DGKK: variants seen among roughly 807,000 people sequenced by gnomAD.
DGKK encodes the protein 142 kDa diacylglycerol kinase.
In DGKK, 35 loss-of-function variants were observed where a neutral mutation model predicts 92.2. The ratio of observed to expected loss-of-function variants is 0.38; its 90% CI spans 0.29 to 0.50. DGKK has a LOEUF of 0.50. Ranked by LOEUF, DGKK falls within the 20% of genes least tolerant of loss-of-function variation. DGKK has a pLI of 0.92. For synonymous variants in DGKK, 368 were observed against 360.6 expected, an observed-to-expected ratio of 1.02 and a Z score of -0.23; for missense variants, 910 against 992.2, an observed-to-expected ratio of 0.92 and a Z score of 1.11.
At chrX:50,393,015 C>T in intron 9 of DGKK, 137 bp downstream of exon 9, 1 of 522,626 alleles carries the variant, frequency 1.9e-6, no homozygotes, top group Non-Finnish European at 3.0e-6. Context: ...GAGTTATGTG[C>T]TTGTGTCCTG....
chrX:50,470,172 C>T lies in DGKK; in HGVS notation c.507G>A (p.Ala169=). The change falls in exon 1 of 28, where the codon GCG becomes GCA. Residue 169 remains alanine, a synonymous_variant. Transcript: ENST00000611977. ...CTGGACTTGGACGGAACTCTGGAGC[C>T]GCCTCAGGGCAGAACTCTGGGGCCA... The part of the protein sequence containing the change: ...TELAPEFCPE[A]APEFRPSPAP... The T allele has an allele frequency of 8.3e-7, 1 of 1,211,968 alleles. No homozygotes were observed.
chrX:50,416,888 G>A (rs1925448827), intron 4 of DGKK, among the ~76,000 whole-genome samples: 1 of 110,369 alleles, frequency 9.1e-6, no homozygotes, highest in Non-Finnish European at 1.9e-5. Flanking sequence ...CACAAAGGGT[G>A]GAAATTAAAG....
At chrX:50,396,942 T>C (rs1924868375) in intron 8 of DGKK, among the ~76,000 whole-genome samples, 1 of 112,282 alleles carries the variant, frequency 8.9e-6, no homozygotes, top group African/African-American at 3.2e-5. Context: ...TTGTGAACTC[T>C]GAAGTACTCA....
chrX:50,457,850 A>C (rs1448333267), intron 1 of DGKK, among the ~76,000 whole-genome samples: 1 of 111,846 alleles, frequency 8.9e-6, no homozygotes, highest in South Asian at 3.8e-4. Context: ...CACAATCCCC[A>C]AAAATAATAA....
intron 1 of DGKK, among the ~76,000 whole-genome samples, chrX:50,436,102 G>T (rs1487279362): frequency 8.9e-6 from 1 of 112,175 alleles, no homozygotes; most frequent in Non-Finnish European, 1.9e-5. Flanking sequence ...AAACTATGTT[G>T]TGGGCCTTGG....
intron 1 of DGKK, among the ~76,000 whole-genome samples, chrX:50,466,028 T>C (rs1408317836): frequency 1.1e-5 from 1 of 91,389 alleles, no homozygotes; most frequent in Non-Finnish European, 2.2e-5. Flanking sequence ...TTTTTTTTTT[T>C]TTTTTTTTTT....
In DGKK at chrX:50,382,485, C is replaced by A. The variant is rs1369782472; in HGVS notation, c.2657+11G>T. 2 of 1,175,221 alleles carry A rather than the reference C, an allele frequency of 1.7e-6. No homozygotes were observed. Among genetic ancestry groups the A allele is most frequent in the African/African-American group, 1.8e-5 (1 of 56,249 alleles). ...TGTTTGCATGTAGGGAAGGGAGTTTCTTTTCCTTACTTGTATTGCCCTGGG... is the reference window on the plus strand; with the variant it reads ...TGTTTGCATGTAGGGAAGGGAGTTTATTTTCCTTACTTGTATTGCCCTGGG... On this transcript the variant is annotated intron_variant, in intron 18 of 27. Transcript: ENST00000611977.
intron 1 of DGKK, among the ~76,000 whole-genome samples, chrX:50,441,186 C>A (rs898542094): frequency 9.0e-6 from 1 of 111,472 alleles, no homozygotes; most frequent in Non-Finnish European, 1.9e-5. Context: ...ACCTCATAAA[C>A]TTTAAGTAAA....
rs781966682 is a variant in DGKK at position 50,406,635 on chromosome X, G to C, written c.943-2451C>G. Among the ~76,000 whole-genome samples, 10 of 111,621 alleles carry C rather than the reference G, an allele frequency of 9.0e-5. No homozygotes were observed. The East Asian group carries it at 2.8e-3, about 32-fold the overall frequency. ...CAATGAAGGTGGAGATTGGAATGAT[G>C]CATCTGCAAGCCAAAAAATGCCAAA... On this transcript the variant is annotated intron_variant, in intron 4 of 27. Transcript: ENST00000611977.
chrX:50,376,203 T>C, intron 23 of DGKK, 38 bp from the exon 24 acceptor site: 1 of 1,196,974 alleles, frequency 8.4e-7, no homozygotes, highest in Non-Finnish European at 1.1e-6. Context: ...AGTTGGGATT[T>C]CTGAAGGACT....
Position 50,370,483 on chromosome X carries a change from T to G in DGKK, c.3679A>C (p.Lys1227Gln), listed in dbSNP as rs782004804. 8.4e-7 allele frequency: 1 copy of G among 1,193,972 alleles called. No homozygotes were observed. The highest frequency in any genetic ancestry group is 1.8e-5 in the South Asian group (1 of 54,300). Reference protein sequence around the residue: ...LKIKFPKLGKKKVEEERKPKS... With the variant: ...LKIKFPKLGKQKVEEERKPKS... ...GGCTTGCGTTCCTCTTCTACCTTTT[T>G]CTTTCCCAATTTGGGGAACTTAATT... The change falls in exon 27 of 28, where the codon AAA becomes CAA. Residue 1227 changes from lysine to glutamine, a missense_variant. By Grantham distance (53) the Lys-to-Gln change is moderately conservative. Coordinates refer to ENST00000611977, the MANE Select transcript of DGKK (RefSeq NM_001013742.4).
At chrX:50,396,747 T>A (rs1488436457) in intron 8 of DGKK, among the ~76,000 whole-genome samples, 4 of 111,574 alleles carry the variant, frequency 3.6e-5, no homozygotes, top group African/African-American at 9.8e-5. Context: ...GTCAAGAGAA[T>A]CTTGTGAACC....
chrX:50,437,306 C>T (rs1179365358), intron 1 of DGKK, among the ~76,000 whole-genome samples: 2 of 111,295 alleles, frequency 1.8e-5, no homozygotes, highest in South Asian at 3.9e-4. Flanking sequence ...TTTCCAACTT[C>T]TCCCTGCAGG....
intron 14 of DGKK, among the ~76,000 whole-genome samples, chrX:50,387,181 G>A (rs1051400387): frequency 3.9e-4 from 44 of 112,028 alleles, no homozygotes; most frequent in Non-Finnish European, 6.2e-4. Context: ...CAGAGTAAGT[G>A]CTATATAAAT....
Position 50,379,966 on chromosome X carries a change from C to T in DGKK, c.2754+15G>A, listed in dbSNP as rs377093315. ...TTCTCCATACCCAGGAAAGACTACCCGCTTTTCCACTAACCTCCAAATGCA... is the reference window on the plus strand; with the variant it reads ...TTCTCCATACCCAGGAAAGACTACCTGCTTTTCCACTAACCTCCAAATGCA... On this transcript the variant is annotated intron_variant, in intron 19 of 27. Coordinates refer to ENST00000611977, the MANE Select transcript of DGKK (RefSeq NM_001013742.4). 1.5e-4 allele frequency: 175 copies of T among 1,200,382 alleles called. 1 individual carries two copies. Among genetic ancestry groups the T allele is most frequent in the African/African-American group, 1.4e-3 (81 of 57,107 alleles).
At position 50,391,445 on chromosome X, in the gene DGKK, G is replaced by T. The variant is rs1413005147; in HGVS notation, c.1836C>A (p.Ile612=). ...GTCTTTCAGCCACTTACCTGTCTAG[G>T]ATCCTCACACTAGCCTGCTCCACTC... ...LNRVEQASVR[I]LDRWSVMIRE... is the part of the protein sequence containing the mutation. Residue 612 remains isoleucine (I), a synonymous_variant, in exon 11 of 28, where the codon ATC becomes ATA. Coordinates refer to ENST00000611977, the MANE Select transcript of DGKK (RefSeq NM_001013742.4). 8.3e-7 allele frequency: 1 copy of T among 1,209,442 alleles called. No individual in the cohort carries two copies. The highest frequency in any genetic ancestry group is 1.1e-6 in the Non-Finnish European group (1 of 894,826).
rs781816071 is a variant in DGKK at position 50,370,521 on chromosome X, C to T, written c.3641G>A (p.Ser1214Asn). The T allele has an allele frequency of 2.5e-6, 3 of 1,198,195 alleles. No individual in the cohort carries two copies. ...GGGGAACTTAATTTTCAGCCTGAGG[C>T]TTCTACTGTCAGTGTCCGAAGATTT... ...EEKSSDTDSR[S>N]LRLKIKFPKL... is the part of the protein sequence containing the mutation. Residue 1214 changes from serine (S) to asparagine (N), a missense_variant, in exon 27 of 28, where the codon AGC (serine) becomes AAC (asparagine). Transcript: ENST00000611977.
intron 26 of DGKK, 83 bp from the exon 27 acceptor site, chrX:50,370,632 C>T: frequency 9.8e-7 from 1 of 1,023,850 alleles, no homozygotes; most frequent in Non-Finnish European, 1.3e-6. Context: ...AAGTGGTAAA[C>T]AAGAATGGCT....
intron 1 of DGKK, among the ~76,000 whole-genome samples, chrX:50,449,312 G>A (rs958023304): frequency 1.8e-5 from 2 of 111,185 alleles, no homozygotes; most frequent in Non-Finnish European, 3.8e-5. Context: ...TGGAACCTGG[G>A]AAAGATCCAC....
Sources: gnomAD v4.1 joint callset for allele counts (sites outside exome capture counted in the v4.1 genomes callset) on GRCh38, gnomAD v4.1.1 for gene constraint, MANE v1.5 for transcripts, NCBI Gene and HGNC (gene_info 2026-07-23, HGNC 2026-07-21) for gene names.